COL5A2: variants seen among roughly 807,000 people sequenced by gnomAD.
COL5A2 encodes collagen type V alpha 2 chain, also known as collagen alpha-2(V) chain.
In COL5A2, 23 loss-of-function variants were observed where a neutral mutation model predicts 208.2. The observed-to-expected ratio is 0.11, with a 90% CI of 0.08 to 0.16. The LOEUF is 0.16. Ranked by LOEUF, COL5A2 falls within the 10% of genes least tolerant of loss-of-function variation. The pLI is 1.00. For missense variants in COL5A2, 1,590 were observed against 1,956.4 expected, an observed-to-expected ratio of 0.81 and a Z score of 3.53; for synonymous variants, 625 against 628.5, an observed-to-expected ratio of 0.99 and a Z score of 0.08.
chr2:189,228,335 AATAGAAAAACC>A (rs1265121047), upstream of COL5A2, among the ~76,000 whole-genome samples: 1 of 151,856 alleles, frequency 6.6e-6, no homozygotes, highest in Non-Finnish European at 1.5e-5. Context: ...TGAAATTGAG[AATAGAAAAACC>A]ATAGAAAAAT....
the COL5A2 span, among the ~76,000 whole-genome samples, chr2:189,432,345 T>C: frequency 6.6e-6 from 1 of 152,166 alleles, no homozygotes; most frequent in Admixed American, 6.5e-5. Context: ...TAACGTTAAA[T>C]GTAAATGGGC....
At chr2:189,144,705 C>A (rs1490866962) in intron 1 of COL5A2, among the ~76,000 whole-genome samples, 1 of 151,928 alleles carries the variant, frequency 6.6e-6, no homozygotes. Flanking sequence ...ATAATTCCAA[C>A]AAATAATGTG....
chr2:189,273,644 T>C, the COL5A2 span, among the ~76,000 whole-genome samples: 74 of 152,152 alleles, frequency 4.9e-4, 1 homozygote, highest in Admixed American at 1.4e-3. Context: ...AAATATGGTA[T>C]ATATACACAA....
At chr2:189,376,506 A>C in the COL5A2 span, among the ~76,000 whole-genome samples, 1 of 152,184 alleles carries the variant, frequency 6.6e-6, no homozygotes, top group Non-Finnish European at 1.5e-5. Flanking sequence ...CTTCAATTAC[A>C]ATTGCTAATT....
the COL5A2 span, among the ~76,000 whole-genome samples, chr2:189,301,400 A>C: frequency 6.6e-6 from 1 of 152,342 alleles, no homozygotes; most frequent in East Asian, 1.9e-4. Flanking sequence ...GAATCATTAA[A>C]TACTTGGGAA....
the COL5A2 span, among the ~76,000 whole-genome samples, chr2:189,408,900 C>A: frequency 1.3e-5 from 2 of 152,110 alleles, no homozygotes; most frequent in East Asian, 1.9e-4. Context: ...AGAAACCCAG[C>A]CTGAAAACAA....
At chr2:189,386,595 A>G in the COL5A2 span, among the ~76,000 whole-genome samples, 1 of 152,182 alleles carries the variant, frequency 6.6e-6, no homozygotes, top group Non-Finnish European at 1.5e-5. Context: ...ACAAAGGTCT[A>G]ATACTCCAGA....
At chr2:189,035,252 T>C (rs1374165382) in intron 52 of COL5A2, 97 bp from the exon 53 acceptor site, 3 of 1,489,400 alleles carry the variant, frequency 2.0e-6, no homozygotes, top group African/African-American at 2.8e-5. Flanking sequence ...TTCAGATAAA[T>C]CAATTTTGAA....
At chr2:189,398,203 T>C in the COL5A2 span, among the ~76,000 whole-genome samples, 1 of 152,138 alleles carries the variant, frequency 6.6e-6, no homozygotes, top group Non-Finnish European at 1.5e-5. Context: ...TGATAAAATG[T>C]GTTGAGCCGG....
chr2:189,266,027 T>C, the COL5A2 span, among the ~76,000 whole-genome samples: 6 of 152,162 alleles, frequency 3.9e-5, no homozygotes, highest in Admixed American at 1.3e-4. Flanking sequence ...ATCACAATTA[T>C]TAATAATAGC....
intron 51 of COL5A2, among the ~76,000 whole-genome samples, chr2:189,038,329 G>A (rs532306852): frequency 9.2e-5 from 14 of 152,196 alleles, no homozygotes; most frequent in Non-Finnish European, 1.3e-4. Flanking sequence ...ATGGTTTCCC[G>A]CTGCATCCAT....
At position 189,069,130 on chromosome 2, in the gene COL5A2, A is replaced by G. The variant is rs73978826; in HGVS notation, c.1159-246T>C. Among the ~76,000 whole-genome samples, 1,405 of 152,244 alleles carry G rather than the reference A, an allele frequency of 9.2e-3. 21 individuals are homozygous for G. Among genetic ancestry groups the G allele is most frequent in the African/African-American group, 0.032 (1,347 of 41,536 alleles). ...TCCATATCCAATCTCCAGTTGAAGA[A>G]GCCCTACACCAGGGTTAGCTTAAGT... On this transcript the variant is annotated intron_variant, in intron 18 of 53. Coordinates refer to ENST00000374866, the MANE Select transcript of COL5A2 (RefSeq NM_000393.5).
the COL5A2 span, among the ~76,000 whole-genome samples, chr2:189,377,205 T>G: frequency 1.3e-5 from 2 of 152,208 alleles, no homozygotes; most frequent in African/African-American, 4.8e-5. Flanking sequence ...CCCAGACATT[T>G]GAAAGTCACT....
At chr2:189,100,166 T>G in intron 3 of COL5A2, 27 bp from the exon 4 acceptor site, 1 of 1,595,524 alleles carries the variant, frequency 6.3e-7, no homozygotes, top group Non-Finnish European at 8.6e-7. Flanking sequence ...AATTCAAAAA[T>G]TCAATTAGCA....
At chr2:189,216,410 C>T (rs757669242) in intron 1 of COL5A2, among the ~76,000 whole-genome samples, 1 of 151,886 alleles carries the variant, frequency 6.6e-6, no homozygotes, top group African/African-American at 2.4e-5. Flanking sequence ...CTCATTCATT[C>T]AATATTCTTT....
chr2:189,438,696 G>A, the COL5A2 span, among the ~76,000 whole-genome samples: 1 of 152,116 alleles, frequency 6.6e-6, no homozygotes, highest in Non-Finnish European at 1.5e-5. Context: ...GAAATACTGG[G>A]GAATTCTTTG....
At chr2:189,099,261 T>A (rs1686999730) in intron 4 of COL5A2, among the ~76,000 whole-genome samples, 1 of 149,172 alleles carries the variant, frequency 6.7e-6, no homozygotes, top group African/African-American at 2.4e-5. Context: ...TTTTAGGTAA[T>A]CTTCGTTAAA....
At chr2:189,351,169 A>G in the COL5A2 span, among the ~76,000 whole-genome samples, 1 of 152,226 alleles carries the variant, frequency 6.6e-6, no homozygotes, top group African/African-American at 2.4e-5. Context: ...AGTTAACTAC[A>G]CATCCTCTGT....
the COL5A2 span, among the ~76,000 whole-genome samples, chr2:189,289,340 A>G: frequency 6.6e-6 from 1 of 151,128 alleles, no homozygotes; most frequent in Non-Finnish European, 1.5e-5. Flanking sequence ...GACTCTATCT[A>G]AAAAAAAAGA....
Sources: gnomAD v4.1 joint callset for allele counts (sites outside exome capture counted in the v4.1 genomes callset) on GRCh38, gnomAD v4.1.1 for gene constraint, MANE v1.5 for transcripts, NCBI Gene and HGNC (gene_info 2026-07-23, HGNC 2026-07-21) for gene names.